COL24A1: variants seen among roughly 807,000 people sequenced by gnomAD.
COL24A1 encodes collagen type XXIV alpha 1 chain, also known as collagen alpha-1(XXIV) chain.
A neutral mutation model predicts 253.9 loss-of-function variants in COL24A1; 224 were observed. That is an observed-to-expected ratio of 0.88 (90% CI 0.79 to 0.99). The LOEUF is 0.99. COL24A1 is among the 50% of genes least tolerant of loss of function. COL24A1 has a pLI of 0.00. For missense variants in COL24A1, 2,131 were observed against 2,068.5 expected, an observed-to-expected ratio of 1.03 and a Z score of -0.59; for synonymous variants, 685 against 673.7, an observed-to-expected ratio of 1.02 and a Z score of -0.26.
intron 18 of COL24A1, among the ~76,000 whole-genome samples, chr1:86,021,502 C>T (rs919131440): frequency 2.0e-5 from 3 of 152,042 alleles, no homozygotes; most frequent in Admixed American, 6.6e-5. Context: ...TTTTCTAACA[C>T]TGTGTCTCAA....
At chr1:85,917,112 G>C (rs191025198) in intron 24 of COL24A1, among the ~76,000 whole-genome samples, 115 of 152,224 alleles carry the variant, frequency 7.6e-4, no homozygotes, top group African/African-American at 2.7e-3. Context: ...TAATAGACCA[G>C]ATCTATATGT....
rs1054580242 is a variant in COL24A1 at position 85,914,453 on chromosome 1, C to T, written c.2563-3020G>A. Among the ~76,000 whole-genome samples, 12 of 150,390 alleles carry T rather than the reference C, an allele frequency of 8.0e-5. 1 individual carries two copies. The East Asian group carries it at 9.8e-4, about 12-fold the overall frequency. ...TCACCCAGCTTGGAGTGCAATGGCG[C>T]GATCCTGGCTCACAGCAACCTCTGC... On this transcript the variant is annotated intron_variant, in intron 24 of 59. Coordinates refer to ENST00000370571, the MANE Select transcript of COL24A1 (RefSeq NM_152890.7).
At chr1:86,027,890 G>A (rs1274573419) in intron 14 of COL24A1, among the ~76,000 whole-genome samples, 1 of 152,212 alleles carries the variant, frequency 6.6e-6, no homozygotes, top group Non-Finnish European at 1.5e-5. Flanking sequence ...AAAGCTACAG[G>A]GTGGTGCTGC....
At chr1:86,128,790 G>A (rs1648711066) in intron 2 of COL24A1, among the ~76,000 whole-genome samples, 1 of 151,776 alleles carries the variant, frequency 6.6e-6, no homozygotes, top group African/African-American at 2.4e-5. Flanking sequence ...TAAATTTCCT[G>A]TTATTGAACC....
At chr1:86,034,782 C>G (rs1055236534) in intron 12 of COL24A1, among the ~76,000 whole-genome samples, 1 of 151,970 alleles carries the variant, frequency 6.6e-6, no homozygotes, top group Non-Finnish European at 1.5e-5. Context: ...AATAACTCAA[C>G]GCTCAGCTAC....
chr1:85,832,069 G>GT lies in COL24A1; in HGVS notation c.3681+6515dup, dbSNP rs1023085102. On this transcript the variant is annotated intron_variant, in intron 43 of 59. Coordinates refer to ENST00000370571, the MANE Select transcript of COL24A1 (RefSeq NM_152890.7). ...GTTTTTATGGTTTTAGGTCTAACAT[G>GT]TAAGTCTTTAATCCATCTTGAATTA... 2.6e-5 allele frequency among the ~76,000 whole-genome samples: 4 copies of GT among 151,888 alleles called. No individual in the cohort carries two copies. In the Admixed American group the frequency reaches 2.6e-4, roughly 10 times the overall value.
At chr1:86,118,534 C>T (rs983372576) in intron 3 of COL24A1, among the ~76,000 whole-genome samples, 7 of 151,990 alleles carry the variant, frequency 4.6e-5, no homozygotes, top group African/African-American at 1.7e-4. Context: ...TCTTACATTC[C>T]TTTTTTAATT....
rs539707206 is a variant in COL24A1 at position 85,801,090 on chromosome 1, A to C, written c.3952-14629T>G. Among the ~76,000 whole-genome samples the C allele has an allele frequency of 6.6e-5, 10 of 152,320 alleles. No individual in the cohort carries two copies. The East Asian group carries it at 1.9e-3, about 29-fold the overall frequency. On this transcript the variant is annotated intron_variant, in intron 47 of 59. Transcript: ENST00000370571. ...CTCCTTTTTGAAATATTCTTTCTTAAGTCTCCATGACACCACATTCATTTT... is the reference window on the plus strand; with the variant it reads ...CTCCTTTTTGAAATATTCTTTCTTACGTCTCCATGACACCACATTCATTTT...
At chr1:85,984,299 A>C (rs942580652) in intron 20 of COL24A1, among the ~76,000 whole-genome samples, 3 of 151,846 alleles carry the variant, frequency 2.0e-5, no homozygotes, top group Non-Finnish European at 4.4e-5. Context: ...TTCCACCTGA[A>C]GTACATATTT....
At chr1:85,777,475 G>A (rs1192131750) in intron 52 of COL24A1, among the ~76,000 whole-genome samples, 1 of 151,882 alleles carries the variant, frequency 6.6e-6, no homozygotes, top group African/African-American at 2.4e-5. Flanking sequence ...AAATAACTGA[G>A]TCAGCCAAAC....
chr1:85,888,649 TA>T (rs1311257040), intron 32 of COL24A1, among the ~76,000 whole-genome samples: 2 of 152,058 alleles, frequency 1.3e-5, no homozygotes, highest in African/African-American at 4.8e-5. Flanking sequence ...GGATTTAGCT[TA>T]AAAAATCAAC....
intron 32 of COL24A1, among the ~76,000 whole-genome samples, chr1:85,886,618 T>C (rs985866227): frequency 6.6e-6 from 1 of 151,826 alleles, no homozygotes; most frequent in Non-Finnish European, 1.5e-5. Flanking sequence ...TGAGCCAAGA[T>C]TGCACCACTG....
intron 55 of COL24A1, among the ~76,000 whole-genome samples, chr1:85,759,030 T>G (rs548651172): frequency 6.6e-6 from 1 of 152,162 alleles, no homozygotes; most frequent in African/African-American, 2.4e-5. Flanking sequence ...CTAAAAATAA[T>G]CCTGAATGAG....
chr1:85,841,097 C>T, intron 42 of COL24A1, 125 bp downstream of exon 42: 1 of 664,966 alleles, frequency 1.5e-6, no homozygotes, highest in South Asian at 2.0e-5. Context: ...TATCACCCTC[C>T]TATCAAACCA....
At chr1:85,807,013 T>C (rs167518) in intron 47 of COL24A1, among the ~76,000 whole-genome samples, 70,020 of 152,006 alleles carry the variant, frequency 0.46, 16,416 homozygotes, top group East Asian at 0.58. Context: ...AGAGAAGAAC[T>C]CCAAGACAAG....
chr1:86,017,866 C>CTCACACATAGAA (rs1697144387), intron 18 of COL24A1, among the ~76,000 whole-genome samples: 1 of 152,162 alleles, frequency 6.6e-6, no homozygotes, highest in Non-Finnish European at 1.5e-5. Context: ...GCTTTCCTGG[C>CTCACACATAGAA]TCACACATAG....
At chr1:85,774,132 T>C (rs1337712979) in intron 53 of COL24A1, among the ~76,000 whole-genome samples, 1 of 152,214 alleles carries the variant, frequency 6.6e-6, no homozygotes, top group African/African-American at 2.4e-5. Flanking sequence ...GATAATCATG[T>C]GGTTTTCGTC....
intron 45 of COL24A1, among the ~76,000 whole-genome samples, chr1:85,819,709 C>G (rs1366860989): frequency 5.3e-5 from 8 of 151,888 alleles, no homozygotes; most frequent in Non-Finnish European, 1.0e-4. Context: ...AGAGTTTTTC[C>G]CATGAAAGGG....
Position 86,022,547 on chromosome 1 carries a change from A to C in COL24A1, c.2193T>G (p.Pro731=), listed in dbSNP as rs760881457. 7 of 1,611,982 alleles carry C rather than the reference A, an allele frequency of 4.3e-6. No individual in the cohort carries two copies. In the Admixed American group the frequency reaches 5.0e-5, roughly 12 times the overall value. ...ATGGTATAAACATTACCTTGTCTCC[A>C]GGATACCCGGGTTCTCCTAGCTCTC... The part of the protein sequence containing the change: ...TAGELGEPGY[P]GDKGAVGLPG... Residue 731 remains proline (P), a synonymous_variant, in exon 17 of 60, where the codon CCT becomes CCG. Coordinates refer to ENST00000370571, the MANE Select transcript of COL24A1 (RefSeq NM_152890.7).
Sources: gnomAD v4.1 joint callset for allele counts (sites outside exome capture counted in the v4.1 genomes callset) on GRCh38, gnomAD v4.1.1 for gene constraint, MANE v1.5 for transcripts, NCBI Gene and HGNC (gene_info 2026-07-23, HGNC 2026-07-21) for gene names.